The following LAMA3 variants were observed in gnomAD, a reference collection of about 807,000 sequenced individuals.
The protein encoded by LAMA3 is laminin subunit alpha-3.
Under a neutral mutation model 402.0 loss-of-function variants are expected in LAMA3, and 281 were observed. That is an observed-to-expected ratio of 0.70 (90% confidence interval 0.63 to 0.77). The LOEUF (loss-of-function observed/expected upper bound fraction) is 0.77, where lower values mean the gene tolerates loss of function less well. Ranked by LOEUF, LAMA3 falls within the 30% of genes least tolerant of loss-of-function variation. LAMA3 has a pLI of 0.00. For missense variants in LAMA3, 3,840 were observed against 4,215.5 expected (o/e 0.91, Z 2.47); for synonymous variants, 1,431 against 1,558.4 (o/e 0.92, Z 1.93).
At chr18:23,745,948 G>C (rs536971457) in intron 2 of LAMA3, among the ~76,000 whole-genome samples, 1 of 152,282 alleles carries the variant, frequency 6.6e-6, no homozygotes, top group South Asian at 2.1e-4. Flanking sequence ...GATGTGCAAA[G>C]AGTTTTTAGC....
intron 40 of LAMA3, among the ~76,000 whole-genome samples, chr18:23,883,819 C>T (rs2064980460): frequency 6.6e-6 from 1 of 152,204 alleles, no homozygotes; most frequent in African/African-American, 2.4e-5. Flanking sequence ...GGTCAGCTTC[C>T]AGCTTCCATA....
intron 12 of LAMA3, among the ~76,000 whole-genome samples, chr18:23,796,655 G>A (rs2062769075): frequency 6.6e-6 from 1 of 151,996 alleles, no homozygotes; most frequent in Non-Finnish European, 1.5e-5. Flanking sequence ...TAAATGGTTG[G>A]AGCCAGGACT....
At chr18:23,757,545 A>T (rs1375374217) in intron 6 of LAMA3, among the ~76,000 whole-genome samples, 2 of 151,160 alleles carry the variant, frequency 1.3e-5, no homozygotes, top group East Asian at 3.9e-4. Context: ...CCAAAAAGAT[A>T]GTTCTGAGGC....
intron 1 of LAMA3, among the ~76,000 whole-genome samples, chr18:23,699,642 G>A (rs923807791): frequency 3.3e-5 from 5 of 152,272 alleles, no homozygotes; most frequent in African/African-American, 4.8e-5. Flanking sequence ...GTATTAATTG[G>A]GCAGGCCTAG....
At chr18:23,919,770 G>A (rs971955652) in intron 60 of LAMA3, among the ~76,000 whole-genome samples, 3 of 151,926 alleles carry the variant, frequency 2.0e-5, no homozygotes, top group Non-Finnish European at 2.9e-5. Flanking sequence ...CAGATGCCAC[G>A]CAGCATCTGG....
At chr18:23,781,356 A>G (rs980790462) in intron 11 of LAMA3, 39 of 447,886 alleles carry the variant, frequency 8.7e-5, no homozygotes, top group African/African-American at 7.2e-4. Context: ...TGTCCTTGCC[A>G]CTTCTGAAAA....
At chr18:23,887,235 C>T (rs539489114) in intron 41 of LAMA3, among the ~76,000 whole-genome samples, 17 of 152,112 alleles carry the variant, frequency 1.1e-4, no homozygotes, top group African/African-American at 3.9e-4. Flanking sequence ...ATTAAAATAG[C>T]GAGAGATGGG....
intron 60 of LAMA3, among the ~76,000 whole-genome samples, chr18:23,919,076 G>T (rs748314044): frequency 2.9e-4 from 44 of 152,188 alleles, no homozygotes; most frequent in Non-Finnish European, 5.3e-4. Context: ...CATATAATAA[G>T]AAAACTTAAC....
At chr18:23,857,756 C>A in intron 32 of LAMA3, 88 bp from the exon 33 acceptor site, 2 of 1,541,332 alleles carry the variant, frequency 1.3e-6, no homozygotes, top group Non-Finnish European at 1.8e-6. Context: ...TGGCTTTGCA[C>A]ACCAATTAGT....
chr18:23,736,164 C>T (rs1267941310), intron 2 of LAMA3, among the ~76,000 whole-genome samples: 1 of 151,762 alleles, frequency 6.6e-6, no homozygotes, highest in Non-Finnish European at 1.5e-5. Flanking sequence ...TGGAAGCTAG[C>T]ACCAGACATT....
At chr18:23,709,711 C>T (rs2145889103) in intron 1 of LAMA3, 1 of 437,924 alleles carries the variant, frequency 2.3e-6, no homozygotes, top group Non-Finnish European at 4.3e-6. Context: ...CCTCAATGAT[C>T]TTCCATCTGA....
Position 23,833,856 on chromosome 18 carries a change from C to T in LAMA3, c.2852C>T (p.Pro951Leu), listed in dbSNP as rs773595769. ...GAATTGCATCTGCGGCTGCGCATCC[C>T]ACAGGTTGGCCACTACGTGGTTGTG... ...EVELHLRLRI[P>L]QVGHYVVVVE... Residue 951 changes from proline to leucine, a missense_variant, in exon 24 of 75, where the codon CCA becomes CTA. Physicochemically the swap from Pro to Leu is moderately conservative, Grantham distance 98 (BLOSUM62 -3). This residue lies in a region of LAMA3 where 2,109 missense variants were observed against 2,376.0 expected (regional missense o/e 0.89). Coordinates refer to ENST00000313654, the MANE Select transcript of LAMA3 (RefSeq NM_198129.4). The T allele has an allele frequency of 6.2e-7, 1 of 1,613,724 alleles. No homozygotes were observed. Among genetic ancestry groups the T allele is most frequent in the East Asian group, 2.2e-5 (1 of 44,892 alleles).
intron 23 of LAMA3, among the ~76,000 whole-genome samples, chr18:23,828,083 A>G (rs2063420737): frequency 6.6e-6 from 1 of 152,218 alleles, no homozygotes; most frequent in Admixed American, 6.5e-5. Context: ...AACCATAACA[A>G]TAAGAATACA....
chr18:23,871,162 A>G (rs183159380), intron 37 of LAMA3, among the ~76,000 whole-genome samples: 45 of 152,272 alleles, frequency 3.0e-4, no homozygotes, highest in Admixed American at 1.5e-3. Flanking sequence ...GCACATTTAA[A>G]AGATAAGTTG....
In LAMA3 at chr18:23,954,588, T is replaced by C. The variant is rs1304391627; in HGVS notation, c.9942T>C (p.Pro3314=). The change falls in exon 75 of 75, where the codon CCT becomes CCC. Residue 3314 remains proline (P), a synonymous_variant. Transcript: ENST00000313654. ...RNIHVNHIPV[P]VTEALEVQGP... Reference sequence around the variant, plus strand: ...TTCATGTCAATCACATCCCTGTCCCTGTCACTGAAGCCTTGGAAGTCCAGG... The same window carrying C: ...TTCATGTCAATCACATCCCTGTCCCCGTCACTGAAGCCTTGGAAGTCCAGG... The C allele has an allele frequency of 5.6e-6, 9 of 1,614,036 alleles. No homozygotes were observed. Among genetic ancestry groups the C allele is most frequent in the Non-Finnish European group, 7.6e-6 (9 of 1,179,960 alleles).
At chr18:23,766,075 A>G (rs1054402722) in intron 8 of LAMA3, among the ~76,000 whole-genome samples, 3 of 152,170 alleles carry the variant, frequency 2.0e-5, no homozygotes, top group Admixed American at 6.5e-5. Context: ...AAATACCTCA[A>G]ATTTTGCAAT....
At chr18:23,799,674 C>G (rs371207892) in intron 12 of LAMA3, among the ~76,000 whole-genome samples, 1 of 152,082 alleles carries the variant, frequency 6.6e-6, no homozygotes, top group African/African-American at 2.4e-5. Flanking sequence ...AATAGCAGAA[C>G]AAGCCTGTAG....
At chr18:23,758,576 C>A in intron 7 of LAMA3, 65 bp downstream of exon 7, 3 of 1,188,152 alleles carry the variant, frequency 2.5e-6, no homozygotes, top group Non-Finnish European at 3.7e-6. Context: ...GGGGCTGAGG[C>A]TATTTTCCCC....
chr18:23,729,928 C>T (rs187925820), intron 2 of LAMA3, among the ~76,000 whole-genome samples: 5 of 152,296 alleles, frequency 3.3e-5, no homozygotes, highest in Admixed American at 2.6e-4. Flanking sequence ...GCTCATGGCC[C>T]GTGTGGGTGT....
Sources: allele counts gnomAD v4.1 joint callset (sites outside exome capture counted in the v4.1 genomes callset), GRCh38; gene constraint gnomAD v4.1.1; regional missense constraint gnomAD v4.1.1; transcripts MANE v1.5; gene names NCBI Gene and HGNC (gene_info 2026-07-23, HGNC 2026-07-21).